NSL1: variants seen among roughly 807,000 people sequenced by gnomAD.
The protein encoded by NSL1 is kinetochore-associated protein NSL1 homolog.
NSL1 carries 11 observed loss-of-function variants against 25.4 expected under a neutral mutation model. That is an observed-to-expected ratio of 0.43 (90% CI 0.27 to 0.72). The LOEUF (loss-of-function observed/expected upper bound fraction) is 0.72, where lower values mean the gene tolerates loss of function less well. NSL1 is among the 30% of genes least tolerant of loss of function. NSL1 has a pLI of 0.19. For synonymous variants in NSL1, 118 were observed against 120.6 expected (o/e 0.98, Z 0.14); for missense variants, 330 against 342.7 (o/e 0.96, Z 0.29).
rs901890650 is a variant in NSL1, at chr1:212,728,832, A to G, written c.*9576T>C. 4 of 985,230 alleles carry G rather than the reference A, an allele frequency of 4.1e-6. No individual in the cohort carries two copies. Among genetic ancestry groups the G allele is most frequent in the African/African-American group, 1.7e-5 (1 of 57,210 alleles). The allele number at this position is 985,230 out of a possible 1,614,324, so 61.0% of individuals were successfully genotyped here. A position where few individuals can be genotyped will look rare whatever the true frequency, so the allele number is the denominator to read the frequency against. ...GAGGAGGGCCCTCAGCGCAGAGAAA[A>G]TTAAGTCTAGTGTTTGCAGGAGGGC... On this transcript the variant is annotated 3_prime_UTR_variant, in exon 6 of 6. Transcript: ENST00000366977.
At chr1:212,780,991 G>C (rs1660709089) in intron 4 of NSL1, among the ~76,000 whole-genome samples, 1 of 152,164 alleles carries the variant, frequency 6.6e-6, no homozygotes, top group South Asian at 2.1e-4. Context: ...ACTGATGCTT[G>C]AAGAAGTCAG....
At position 212,727,956 on chromosome 1, in the gene NSL1, C is replaced by A. The variant is rs577673981; in HGVS notation, c.*10452G>T. On this transcript the variant is annotated 3_prime_UTR_variant, in exon 6 of 6. Coordinates refer to ENST00000366977, the MANE Select transcript of NSL1 (RefSeq NM_015471.4). ...GGTGTAGCGGTGAGAGCGTCTGAGA[C>A]TCTGGACAAGGCCTTTGCTGTGAAC... 2 of 985,372 alleles carry A rather than the reference C, an allele frequency of 2.0e-6. No homozygotes were observed. Among genetic ancestry groups the A allele is most frequent in the African/African-American group, 3.5e-5 (2 of 57,330 alleles). The allele number at this position is 985,372 out of a possible 1,614,324, so 61.0% of individuals were successfully genotyped here.
chr1:212,783,355 T>C (rs1484928608), intron 3 of NSL1, among the ~76,000 whole-genome samples: 6 of 152,156 alleles, frequency 3.9e-5, no homozygotes, highest in Non-Finnish European at 7.3e-5. Context: ...TTCAATGTTT[T>C]TCCTGAAAAA....
rs1435800210 is a variant in NSL1 at position 212,729,810 on chromosome 1, G to A, written c.*8598C>T. 5.1e-6 allele frequency: 5 copies of A among 985,366 alleles called. No homozygotes were observed. Among genetic ancestry groups the A allele is most frequent in the Non-Finnish European group, 6.0e-6 (5 of 829,914 alleles). The allele number at this position is 985,366 out of a possible 1,614,324, so 61.0% of individuals were successfully genotyped here. On this transcript the variant is annotated 3_prime_UTR_variant, in exon 6 of 6. Coordinates refer to ENST00000366977, the MANE Select transcript of NSL1 (RefSeq NM_015471.4). ...AAAGAACAGCTAGAACATGGAAAAA[G>A]CAATGTAATCAGCTGGTGCTGCAAA...
Position 212,735,785 on chromosome 1 carries a change from G to A in NSL1, c.*2623C>T, listed in dbSNP as rs1658211148. 3.9e-6 allele frequency: 1 copy of A among 258,684 alleles called. No individual in the cohort carries two copies. Among genetic ancestry groups the A allele is most frequent in the Non-Finnish European group, 6.0e-6 (1 of 165,676 alleles). The allele number at this position is 258,684 out of a possible 1,614,324, so 16.0% of individuals were successfully genotyped here. On this transcript the variant is annotated 3_prime_UTR_variant, in exon 6 of 6. Transcript: ENST00000366977. ...CATGCACTGAGGAAAGGCCATGTGA[G>A]GACATAGTAAGGAGGTGGTCATCTA...
chr1:212,753,804 T>C (rs961242906), intron 4 of NSL1, among the ~76,000 whole-genome samples: 1 of 152,176 alleles, frequency 6.6e-6, no homozygotes, highest in Non-Finnish European at 1.5e-5. Flanking sequence ...TAAACACAAA[T>C]ACTTATAAGC....
At chr1:212,786,323 T>C (rs1310643309) in intron 2 of NSL1, among the ~76,000 whole-genome samples, 1 of 152,014 alleles carries the variant, frequency 6.6e-6, no homozygotes, top group African/African-American at 2.4e-5. Context: ...TGAATAATTA[T>C]TTATATAAGC....
chr1:212,756,555 C>T (rs1050992454), intron 4 of NSL1, among the ~76,000 whole-genome samples: 4 of 152,202 alleles, frequency 2.6e-5, no homozygotes, highest in Non-Finnish European at 5.9e-5. Context: ...CGCAGTGGCT[C>T]ATGCCTGTAA....
In NSL1 at chr1:212,760,275, A is replaced by C. The variant is rs1431263912; in HGVS notation, c.500-20674T>G. On this transcript the variant is annotated intron_variant, in intron 4 of 5. Transcript: ENST00000366977. The surrounding 1 kb of genome is among the most constrained non-coding windows in gnomAD (Gnocchi z 4.3). ...CCACAACTTTAGGCACACCATCAGG[A>C]GGCTAAGATCAGGCCCACCCTGCTC... is the stretch of plus-strand genomic sequence containing the variant. 6.6e-6 allele frequency among the ~76,000 whole-genome samples: 1 copy of C among 151,848 alleles called. No homozygotes were observed. Among genetic ancestry groups the C allele is most frequent in the East Asian group, 1.9e-4 (1 of 5,168 alleles).
rs890174437 is a variant in NSL1 at position 212,730,381 on chromosome 1, T to C, written c.*8027A>G. The C allele has an allele frequency of 1.0e-6, 1 of 984,918 alleles. No homozygotes were observed. Among genetic ancestry groups the C allele is most frequent in the Non-Finnish European group, 1.2e-6 (1 of 829,888 alleles). 61.0% of individuals were successfully genotyped at this position (984,918 alleles called of 1,614,324 possible). On this transcript the variant is annotated 3_prime_UTR_variant, in exon 6 of 6. Coordinates refer to ENST00000366977, the MANE Select transcript of NSL1 (RefSeq NM_015471.4). ...GACAAAAGAACTCCAATGACATCAT[T>C]GTAGAAGATGTGGGCCACAGAGCTA...
At chr1:212,741,361 T>C (rs1366883374) in intron 4 of NSL1, among the ~76,000 whole-genome samples, 2 of 152,186 alleles carry the variant, frequency 1.3e-5, no homozygotes, top group Non-Finnish European at 2.9e-5. Context: ...GCTTATGATA[T>C]GGTTTGGATC....
intron 4 of NSL1, among the ~76,000 whole-genome samples, chr1:212,758,964 T>C (rs1291962132): frequency 1.3e-5 from 2 of 152,170 alleles, no homozygotes; most frequent in African/African-American, 2.4e-5. Flanking sequence ...AATTGAGAGT[T>C]CAGAAAGAAA....
At position 212,735,466 on chromosome 1, in the gene NSL1, T is replaced by C; in HGVS notation, c.*2942A>G. The C allele has an allele frequency of 1.0e-6, 1 of 985,314 alleles. No homozygotes were observed. Among genetic ancestry groups the C allele is most frequent in the Non-Finnish European group, 1.2e-6 (1 of 829,914 alleles). The allele number at this position is 985,314 out of a possible 1,614,324, so 61.0% of individuals were successfully genotyped here. A position where few individuals can be genotyped will look rare whatever the true frequency, so the allele number is the denominator to read the frequency against. ...CATACTGTTTGAAGCAATAAAAAAT[T>C]TGGTTTTATTCACTTTGTCCTCTAC... On this transcript the variant is annotated 3_prime_UTR_variant, in exon 6 of 6. Coordinates refer to ENST00000366977, the MANE Select transcript of NSL1 (RefSeq NM_015471.4).
intron 1 of NSL1, among the ~76,000 whole-genome samples, chr1:212,789,315 G>A (rs1221352656): frequency 1.3e-5 from 2 of 152,060 alleles, no homozygotes; most frequent in African/African-American, 4.8e-5. Context: ...AGGTTCAAGC[G>A]ATTCTCCTGC....
At position 212,760,079 on chromosome 1, in the gene NSL1, G is replaced by A. The variant is rs961173135; in HGVS notation, c.500-20478C>T. On this transcript the variant is annotated intron_variant, in intron 4 of 5. Transcript: ENST00000366977. This position sits in a 1 kb window ranked among gnomAD's most constrained non-coding sequence, Gnocchi z 4.3. ...CAGACCACCAAGACAACAGACCATC[G>A]CCAGTGCCCAATCATACTGTCCAGG... Among the ~76,000 whole-genome samples, 6 of 151,458 alleles carry A rather than the reference G, an allele frequency of 4.0e-5. No individual in the cohort carries two copies. Among genetic ancestry groups the A allele is most frequent in the South Asian group, 4.2e-4 (2 of 4,754 alleles).
Position 212,731,177 on chromosome 1 carries a change from C to A in NSL1, c.*7231G>T. The A allele has an allele frequency of 3.2e-6, 3 of 932,088 alleles. No homozygotes were observed. The highest frequency in any genetic ancestry group is 1.5e-4 in the East Asian group (1 of 6,640). 57.7% of individuals were successfully genotyped at this position (932,088 alleles called of 1,614,324 possible). ...ATAATCTATTTGCAAAACAAATGGT[C>A]AGAGGGGAGAAAAAAAAAAAAACCT... On this transcript the variant is annotated 3_prime_UTR_variant, in exon 6 of 6. Transcript: ENST00000366977.
In NSL1 at chr1:212,731,305, C is replaced by T. The variant is rs925058370; in HGVS notation, c.*7103G>A. On this transcript the variant is annotated 3_prime_UTR_variant, in exon 6 of 6. Coordinates refer to ENST00000366977, the MANE Select transcript of NSL1 (RefSeq NM_015471.4). Reference sequence around the variant, plus strand: ...GTGCAGTGGCTCATTCCTGTAATCCCAGCACTTTGGGAAGCTGAGGCAGGA... The same window carrying T: ...GTGCAGTGGCTCATTCCTGTAATCCTAGCACTTTGGGAAGCTGAGGCAGGA... 3.0e-6 allele frequency: 3 copies of T among 984,258 alleles called. No individual in the cohort carries two copies. In the African/African-American group the frequency reaches 5.2e-5, roughly 17 times the overall value. 61.0% of individuals were successfully genotyped at this position (984,258 alleles called of 1,614,324 possible).
chr1:212,742,675 G>A (rs1658559222), intron 4 of NSL1, among the ~76,000 whole-genome samples: 1 of 152,098 alleles, frequency 6.6e-6, no homozygotes, highest in Non-Finnish European at 1.5e-5. Context: ...GGATGGATTA[G>A]GCAAAATATT....
In NSL1 at chr1:212,727,919, C is replaced by G; in HGVS notation, c.*10489G>C. The G allele has an allele frequency of 2.0e-6, 2 of 985,372 alleles. No homozygotes were observed. The highest frequency in any genetic ancestry group is 2.4e-6 in the Non-Finnish European group (2 of 829,926). The allele number at this position is 985,372 out of a possible 1,614,324, so 61.0% of individuals were successfully genotyped here. A position where few individuals can be genotyped will look rare whatever the true frequency, so the allele number is the denominator to read the frequency against. ...ATTGAAAAAAAATGAGAAGAACCAA[C>G]GAGGTCGCTGTGGTGTAGCGGTGAG... On this transcript the variant is annotated 3_prime_UTR_variant, in exon 6 of 6. Transcript: ENST00000366977.
Sources: gnomAD v4.1 joint callset for allele counts (sites outside exome capture counted in the v4.1 genomes callset) on GRCh38, gnomAD v4.1.1 for gene constraint, Gnocchi (gnomAD v3.1) non-coding constraint, MANE v1.5 for transcripts, NCBI Gene and HGNC (gene_info 2026-07-23, HGNC 2026-07-21) for gene names.